Variants in PACRG observed in about 807,000 individuals in gnomAD.
The protein encoded by PACRG is parkin coregulated.
PACRG carries 29 observed loss-of-function variants against 29.7 expected under a neutral mutation model. The ratio of observed to expected loss-of-function variants is 0.98; its 90% CI spans 0.73 to 1.33. The LOEUF is 1.33. Ranked by LOEUF, PACRG falls within the 40% of genes most tolerant of loss-of-function variation. PACRG has a pLI of 0.00. For missense variants in PACRG, 279 were observed against 316.2 expected (o/e 0.88, Z 0.89); for synonymous variants, 116 against 118.7 (o/e 0.98, Z 0.15).
chr6:163,067,995 A>C (rs1260115165), intron 3 of PACRG, among the ~76,000 whole-genome samples: 4 of 152,186 alleles, frequency 2.6e-5, no homozygotes, highest in Non-Finnish European at 5.9e-5. Flanking sequence ...ACATTAAATA[A>C]CCCAGATTTA....
intron 1 of PACRG, among the ~76,000 whole-genome samples, chr6:162,756,091 T>G (rs991844913): frequency 3.9e-5 from 6 of 152,204 alleles, no homozygotes; most frequent in Non-Finnish European, 7.3e-5. Flanking sequence ...GAATGTTAGA[T>G]GATCACTTGA....
intron 2 of PACRG, among the ~76,000 whole-genome samples, chr6:163,058,245 C>A (rs1810763637): frequency 1.3e-5 from 2 of 152,160 alleles, no homozygotes; most frequent in Non-Finnish European, 2.9e-5. Flanking sequence ...CACCTTGGAA[C>A]TGCCATCCAC....
intron 1 of PACRG, among the ~76,000 whole-genome samples, chr6:162,813,112 ATGTT>A (rs1392907830): frequency 2.0e-5 from 3 of 151,890 alleles, no homozygotes; most frequent in Non-Finnish European, 4.4e-5. Flanking sequence ...TGTGTATTGT[ATGTT>A]TATTTATTGT....
chr6:163,173,441 G>C (rs1019875778), intron 4 of PACRG, among the ~76,000 whole-genome samples: 2 of 152,200 alleles, frequency 1.3e-5, no homozygotes, highest in South Asian at 4.1e-4. Context: ...CAAAACCGTA[G>C]AGGATTTGCA....
intron 4 of PACRG, among the ~76,000 whole-genome samples, chr6:163,277,728 C>G (rs953208906): frequency 1.3e-5 from 2 of 150,816 alleles, no homozygotes; most frequent in African/African-American, 4.9e-5. Context: ...TCTTTATCCA[C>G]TAGTTGATTG....
intron 4 of PACRG, among the ~76,000 whole-genome samples, chr6:163,163,070 G>A (rs563403965): frequency 1.7e-4 from 26 of 152,320 alleles, no homozygotes; most frequent in African/African-American, 6.3e-4. Flanking sequence ...TCGCTGCAGG[G>A]CATGGCTCCA....
chr6:162,811,188 T>TAGGATG (rs1348915155), intron 1 of PACRG, among the ~76,000 whole-genome samples: 2 of 152,178 alleles, frequency 1.3e-5, no homozygotes, highest in Non-Finnish European at 2.9e-5. Context: ...CTACATCCAG[T>TAGGATG]TAAAATGTAG....
At chr6:163,269,829 A>AGGAAGG in intron 4 of PACRG, among the ~76,000 whole-genome samples, 1 of 37,004 alleles carries the variant, frequency 2.7e-5, no homozygotes, top group Non-Finnish European at 5.8e-5. Context: ...AGGAGAAAGA[A>AGGAAGG]AGAAAGAAAA....
chr6:162,820,003 G>A (rs1787701781), intron 2 of PACRG, among the ~76,000 whole-genome samples: 1 of 152,124 alleles, frequency 6.6e-6, no homozygotes, highest in African/African-American at 2.4e-5. Context: ...GATATGCAAC[G>A]GTCTTGAGGG....
intron 4 of PACRG, among the ~76,000 whole-genome samples, chr6:163,272,211 G>A (rs1306617662): frequency 6.6e-6 from 1 of 151,948 alleles, no homozygotes; most frequent in African/African-American, 2.4e-5. Context: ...GCTAATTTTT[G>A]TATTTTTAGT....
intron 4 of PACRG, among the ~76,000 whole-genome samples, chr6:163,160,359 C>A (rs187311787): frequency 1.2e-3 from 189 of 152,284 alleles, no homozygotes; most frequent in African/African-American, 4.4e-3. Context: ...CCTTTCTGGA[C>A]CTCAAGCTGT....
intron 4 of PACRG, among the ~76,000 whole-genome samples, chr6:163,218,467 T>C (rs910213925): frequency 6.6e-6 from 1 of 152,204 alleles, no homozygotes; most frequent in African/African-American, 2.4e-5. Flanking sequence ...TTCCAAGGGC[T>C]ATGAGTGCTT....
At chr6:163,301,264 A>G (rs568777459) in intron 4 of PACRG, among the ~76,000 whole-genome samples, 2 of 152,342 alleles carry the variant, frequency 1.3e-5, no homozygotes, top group African/African-American at 4.8e-5. Context: ...AAGTAAACAG[A>G]GCTACCATCC....
chr6:162,825,992 G>T (rs935422951), intron 2 of PACRG, among the ~76,000 whole-genome samples: 1 of 150,348 alleles, frequency 6.7e-6, no homozygotes, highest in Non-Finnish European at 1.5e-5. Flanking sequence ...TGGCCATATT[G>T]ACCAGAGGTC....
chr6:163,106,320 A>T (rs1815379556), intron 4 of PACRG, among the ~76,000 whole-genome samples: 1 of 152,188 alleles, frequency 6.6e-6, no homozygotes, highest in Non-Finnish European at 1.5e-5. Context: ...TAGACAAATC[A>T]TTCAGCTATA....
chr6:163,314,648 A>G (rs1443260369), intron 4 of PACRG, among the ~76,000 whole-genome samples, 179 bp from the exon 5 acceptor site: 1 of 152,156 alleles, frequency 6.6e-6, no homozygotes, highest in South Asian at 2.1e-4. Flanking sequence ...ATCGGCTCCA[A>G]TCTGGGACTT....
intron 4 of PACRG, among the ~76,000 whole-genome samples, chr6:163,171,492 G>A (rs1307733623): frequency 6.6e-6 from 1 of 152,196 alleles, no homozygotes; most frequent in Admixed American, 6.5e-5. Context: ...GCTCAGAGCG[G>A]TTAAGCAATT....
chr6:162,831,692 G>T (rs1288601228), intron 2 of PACRG, among the ~76,000 whole-genome samples: 4 of 152,062 alleles, frequency 2.6e-5, no homozygotes, highest in Non-Finnish European at 5.9e-5. Context: ...AGTGTGTGTT[G>T]TTTCCCTCCC....
At chr6:163,178,242 C>T (rs147120614) in intron 4 of PACRG, among the ~76,000 whole-genome samples, 23 of 152,302 alleles carry the variant, frequency 1.5e-4, no homozygotes, top group East Asian at 3.9e-4. Flanking sequence ...CTCATGAGCA[C>T]GCCCCATGCA....
Sources: allele counts gnomAD v4.1 joint callset (sites outside exome capture counted in the v4.1 genomes callset), GRCh38; gene constraint gnomAD v4.1.1; transcripts MANE v1.5; gene names NCBI Gene and HGNC (gene_info 2026-07-23, HGNC 2026-07-21).